Variants in TECTB observed in about 807,000 individuals in gnomAD.
TECTB encodes tectorin beta, also known as beta-tectorin.
In TECTB, 45 loss-of-function variants were observed where a neutral mutation model predicts 43.3. The observed-to-expected ratio is 1.04, with a 90% CI of 0.82 to 1.33. The LOEUF (loss-of-function observed/expected upper bound fraction) is 1.33. Ranked by LOEUF, TECTB falls within the 40% of genes most tolerant of loss-of-function variation. TECTB has a pLI of 0.00. For missense variants in TECTB, 399 were observed against 404.7 expected, an observed-to-expected ratio of 0.99 and a Z score of 0.12; for synonymous variants, 169 against 156.7, an observed-to-expected ratio of 1.08 and a Z score of -0.59.
intron 9 of TECTB, among the ~76,000 whole-genome samples, chr10:112,301,190 A>C (rs941086111): frequency 8.5e-5 from 13 of 152,258 alleles, no homozygotes; most frequent in African/African-American, 3.1e-4. Context: ...TGGGAGGCCA[A>C]GGCGGGCAGA....
chr10:112,300,173 AAAAG>A (rs1321305734), intron 9 of TECTB, among the ~76,000 whole-genome samples: 13 of 150,672 alleles, frequency 8.6e-5, no homozygotes, highest in Non-Finnish European at 1.8e-4. Context: ...AAAAAAAAAA[AAAAG>A]AAAGAAAGAA....
chr10:112,289,260 G>A lies in TECTB; in HGVS notation c.483+2869G>A, dbSNP rs966027124. 1.3e-4 allele frequency among the ~76,000 whole-genome samples: 20 copies of A among 152,268 alleles called. No individual in the cohort carries two copies. The East Asian group carries it at 1.4e-3, about 10-fold the overall frequency. On this transcript the variant is annotated intron_variant, in intron 5 of 10. Transcript: ENST00000646139. Reference sequence around the variant, plus strand: ...TGTTAACTTTATAAGGCTGAACATCGATGTCAGTGTTGGATTATATTGACT... The same window carrying A: ...TGTTAACTTTATAAGGCTGAACATCAATGTCAGTGTTGGATTATATTGACT...
intron 5 of TECTB, among the ~76,000 whole-genome samples, chr10:112,290,571 G>C (rs900153739): frequency 6.6e-6 from 1 of 152,166 alleles, no homozygotes; most frequent in African/African-American, 2.4e-5. Flanking sequence ...CATTCTGCTG[G>C]CTGGTCCCTG....
At chr10:112,290,413 T>A (rs1036318938) in intron 5 of TECTB, among the ~76,000 whole-genome samples, 1 of 152,224 alleles carries the variant, frequency 6.6e-6, no homozygotes, top group African/African-American at 2.4e-5. Context: ...TTCCAAGCCT[T>A]CCCTGAGCTG....
chr10:112,284,318 G>A (rs370268939), intron 2 of TECTB, among the ~76,000 whole-genome samples: 29 of 152,100 alleles, frequency 1.9e-4, no homozygotes, highest in Non-Finnish European at 4.0e-4. Context: ...GTTAAACGTG[G>A]TGCAGTCATT....
intron 7 of TECTB, among the ~76,000 whole-genome samples, chr10:112,297,721 C>T (rs994567439): frequency 1.3e-4 from 20 of 152,264 alleles, no homozygotes; most frequent in Middle Eastern, 3.4e-3. Context: ...ATTGTCCTTA[C>T]TTTGTATGTC....
intron 5 of TECTB, among the ~76,000 whole-genome samples, chr10:112,290,512 G>C (rs1467341396): frequency 6.6e-6 from 1 of 152,176 alleles, no homozygotes; most frequent in Non-Finnish European, 1.5e-5. Flanking sequence ...CTTTGTAACA[G>C]AATCAGGCAG....
chr10:112,291,409 A>G (rs1259063033), intron 5 of TECTB, among the ~76,000 whole-genome samples: 4 of 152,248 alleles, frequency 2.6e-5, no homozygotes, highest in African/African-American at 9.6e-5. Flanking sequence ...CCAAAGGAAT[A>G]TAAATCATTC....
chr10:112,292,330 C>A (rs1176947956), intron 5 of TECTB, among the ~76,000 whole-genome samples: 1 of 152,140 alleles, frequency 6.6e-6, no homozygotes, highest in Non-Finnish European at 1.5e-5. Context: ...ATCCCACATG[C>A]CAGGCCAGTG....
In TECTB at chr10:112,302,327, G is replaced by A. The variant is rs866963669; in HGVS notation, c.940+194G>A. On this transcript the variant is annotated intron_variant, in intron 10 of 10. Coordinates refer to ENST00000646139, the MANE Select transcript of TECTB (RefSeq NM_058222.3). ...CTGACCAGCCCCTGAACTCTGAAGAGAGGGAGGAACCGAAGGTAAATCGGA... is the reference window on the plus strand; with the variant it reads ...CTGACCAGCCCCTGAACTCTGAAGAAAGGGAGGAACCGAAGGTAAATCGGA... 3 of 550,024 alleles carry A rather than the reference G, an allele frequency of 5.5e-6. No homozygotes were observed. In the East Asian group the frequency reaches 9.4e-5, roughly 17 times the overall value. 34.1% of individuals were successfully genotyped at this position (550,024 alleles called of 1,614,324 possible).
chr10:112,292,232 T>G (rs1474443110), intron 5 of TECTB, among the ~76,000 whole-genome samples: 2 of 151,626 alleles, frequency 1.3e-5, no homozygotes, highest in Non-Finnish European at 2.9e-5. Context: ...AATGGAGAAA[T>G]CAGCCTCCTT....
intron 7 of TECTB, among the ~76,000 whole-genome samples, chr10:112,296,970 G>A (rs180986455): frequency 2.5e-4 from 38 of 151,880 alleles, no homozygotes; most frequent in African/African-American, 7.9e-4. Flanking sequence ...CTGCTACCCC[G>A]TGCTACCTGC....
Position 112,285,064 on chromosome 10 carries a change from C to T in TECTB, c.267+339C>T, listed in dbSNP as rs191760362. Among the ~76,000 whole-genome samples the T allele has an allele frequency of 2.7e-3, 416 of 152,306 alleles. 1 individual carries two copies. The highest frequency in any genetic ancestry group is 9.6e-3 in the African/African-American group (398 of 41,570). ...TAGATTGGATGGGTGGATGGATGAG[C>T]CATTCTCTGCCTGAGACTTCAAAGT... On this transcript the variant is annotated intron_variant, in intron 3 of 10. Coordinates refer to ENST00000646139, the MANE Select transcript of TECTB (RefSeq NM_058222.3).
intron 7 of TECTB, 45 bp from the exon 8 acceptor site, chr10:112,298,024 G>A (rs1848563593): frequency 6.2e-7 from 1 of 1,612,366 alleles, no homozygotes; most frequent in African/African-American, 1.3e-5. Context: ...TCTTGCTGGA[G>A]TTCAAGGAGA....
chr10:112,297,629 C>T (rs1273292163), intron 7 of TECTB, among the ~76,000 whole-genome samples: 1 of 152,144 alleles, frequency 6.6e-6, no homozygotes, highest in African/African-American at 2.4e-5. Context: ...TGCAAAACCT[C>T]ACAGTTCACA....
chr10:112,301,633 G>A (rs769895715), intron 9 of TECTB, among the ~76,000 whole-genome samples: 1 of 152,166 alleles, frequency 6.6e-6, no homozygotes, highest in Admixed American at 6.5e-5. Flanking sequence ...GAGAGAAAGC[G>A]TTGTGAGATG....
rs1848519680 is a variant in TECTB at position 112,293,721 on chromosome 10, T to C, written c.484-17T>C. The C allele has an allele frequency of 6.2e-7, 1 of 1,609,732 alleles. No homozygotes were observed. Among genetic ancestry groups the C allele is most frequent in the African/African-American group, 1.3e-5 (1 of 74,808 alleles). On this transcript the variant is annotated splice_polypyrimidine_tract_variant and intron_variant, in intron 5 of 10. Coordinates refer to ENST00000646139, the MANE Select transcript of TECTB (RefSeq NM_058222.3). ...ATCTGAGAGTTCATAATGCCCAGTG[T>C]CAATTTCCTTCCAAAGAATGCCAAG... is the stretch of plus-strand genomic sequence containing the variant.
chr10:112,294,017 G>A lies in TECTB; in HGVS notation c.627G>A (p.Ser209=), dbSNP rs200185742. 36 of 1,614,092 alleles carry A rather than the reference G, an allele frequency of 2.2e-5. 1 individual carries two copies. The highest frequency in any genetic ancestry group is 3.3e-4 in the Middle Eastern group (2 of 6,062). The change falls in exon 7 of 11, where the codon TCG becomes TCA. Residue 209 remains serine, a synonymous_variant. Transcript: ENST00000646139. The part of the protein sequence containing the change: ...VVLNSCWATP[S]ADFMYPLQWQ... ...TGAACAGCTGTTGGGCCACCCCCTC[G>A]GCTGACTTCATGTATCCCTTGCAGT...
chr10:112,291,363 G>A (rs1188352899), intron 5 of TECTB, among the ~76,000 whole-genome samples: 1 of 152,086 alleles, frequency 6.6e-6, no homozygotes, highest in Non-Finnish European at 1.5e-5. Flanking sequence ...ATACCCAAAA[G>A]AATGTATATC....
Sources: gnomAD v4.1 joint callset for allele counts (sites outside exome capture counted in the v4.1 genomes callset) on GRCh38, gnomAD v4.1.1 for gene constraint, MANE v1.5 for transcripts, NCBI Gene and HGNC (gene_info 2026-07-23, HGNC 2026-07-21) for gene names.